Variants in PEX5L observed in about 807,000 individuals in gnomAD.
The protein encoded by PEX5L is peroxisomal biogenesis factor 5 like.
PEX5L carries 30 observed loss-of-function variants against 84.0 expected under a neutral mutation model. That is an observed-to-expected ratio of 0.36 (90% CI 0.27 to 0.48). PEX5L has a LOEUF of 0.48. PEX5L is among the 20% of genes least tolerant of loss of function. The pLI, the probability that PEX5L is intolerant of heterozygous loss-of-function variation, is 0.99. For missense variants in PEX5L, 533 were observed against 754.6 expected (o/e 0.71, Z 3.44); for synonymous variants, 270 against 283.1 (o/e 0.95, Z 0.46).
intron 1 of PEX5L, among the ~76,000 whole-genome samples, chr3:179,982,230 G>A (rs1353723655): frequency 6.6e-6 from 1 of 152,110 alleles, no homozygotes; most frequent in East Asian, 1.9e-4. Context: ...CTTACTCAAA[G>A]TTTGATTCTT....
chr3:179,830,642 G>A (rs1732492401), intron 8 of PEX5L, among the ~76,000 whole-genome samples: 1 of 152,150 alleles, frequency 6.6e-6, no homozygotes, highest in African/African-American at 2.4e-5. Flanking sequence ...ATATTTTCCT[G>A]GTGTATTGAT....
At chr3:179,854,168 T>C (rs1045498045) in intron 8 of PEX5L, among the ~76,000 whole-genome samples, 1 of 150,912 alleles carries the variant, frequency 6.6e-6, no homozygotes, top group Non-Finnish European at 1.5e-5. Flanking sequence ...CAATACAATG[T>C]TAAGATATGG....
intron 1 of PEX5L, among the ~76,000 whole-genome samples, chr3:180,017,489 T>C (rs2110492768): frequency 6.6e-6 from 1 of 152,276 alleles, no homozygotes; most frequent in Admixed American, 6.5e-5. Context: ...TCTATTTGAT[T>C]GGGGACTATC....
rs1329656025 is a variant in PEX5L at position 179,874,733 on chromosome 3, TTTTTG to T, written c.630-315_630-311del. Among the ~76,000 whole-genome samples, 198 of 51,508 alleles carry T rather than the reference TTTTTG, an allele frequency of 3.8e-3. 4 individuals are homozygous for T. The highest frequency in any genetic ancestry group is 0.011 in the African/African-American group (177 of 15,770). 33.8% of individuals were successfully genotyped at this position (51,508 alleles called of 152,430 possible). On this transcript the variant is annotated intron_variant, in intron 6 of 14. Coordinates refer to ENST00000467460, the MANE Select transcript of PEX5L (RefSeq NM_016559.3). ...TTTCATAAAAAAATTATGGTTTTTT[TTTTTG>T]TTTTTTTTTTTTTTTTTTTTTTTTG...
At chr3:179,964,910 G>C (rs981964415) in intron 2 of PEX5L, among the ~76,000 whole-genome samples, 1 of 152,206 alleles carries the variant, frequency 6.6e-6, no homozygotes, top group African/African-American at 2.4e-5. Context: ...ACTTTATGAA[G>C]TAGATATTTT....
chr3:179,831,646 G>A (rs1213990041), intron 8 of PEX5L, among the ~76,000 whole-genome samples: 1 of 152,138 alleles, frequency 6.6e-6, no homozygotes, highest in Non-Finnish European at 1.5e-5. Context: ...GGGAGGAAAG[G>A]TGCTCTGGGA....
At chr3:179,964,902 T>G (rs1045327378) in intron 2 of PEX5L, among the ~76,000 whole-genome samples, 1 of 152,214 alleles carries the variant, frequency 6.6e-6, no homozygotes, top group Non-Finnish European at 1.5e-5. Flanking sequence ...TCCCAAAAAC[T>G]TTATGAAGTA....
chr3:179,912,390 T>TC (rs921315417), intron 2 of PEX5L, among the ~76,000 whole-genome samples: 2 of 152,118 alleles, frequency 1.3e-5, no homozygotes, highest in African/African-American at 4.8e-5. Context: ...GGTCCAAAGA[T>TC]AAAAGCAACT....
chr3:179,810,466 T>C (rs1247297788), intron 11 of PEX5L, among the ~76,000 whole-genome samples: 1 of 152,176 alleles, frequency 6.6e-6, no homozygotes, highest in Non-Finnish European at 1.5e-5. Flanking sequence ...AGGCTAAAGC[T>C]ACTCCCCCTC....
intron 1 of PEX5L, among the ~76,000 whole-genome samples, chr3:179,999,317 T>A (rs1291492858): frequency 1.3e-5 from 2 of 152,170 alleles, no homozygotes; most frequent in African/African-American, 4.8e-5. Flanking sequence ...GTGGATAGGA[T>A]GACCTGTTCT....
intron 2 of PEX5L, among the ~76,000 whole-genome samples, chr3:179,940,568 G>T (rs1775809531): frequency 1.3e-5 from 2 of 152,100 alleles, no homozygotes; most frequent in South Asian, 4.2e-4. Context: ...CTTTGAAATG[G>T]TACTGCATGA....
chr3:179,803,533 A>G (rs1355872519), intron 14 of PEX5L, among the ~76,000 whole-genome samples: 1 of 152,170 alleles, frequency 6.6e-6, no homozygotes, highest in African/African-American at 2.4e-5. Flanking sequence ...CTCAGGTGCC[A>G]GGTGCACCTG....
Position 179,826,916 on chromosome 3 carries a change from C to T in PEX5L, c.823-6940G>A, listed in dbSNP as rs143624022. ...AAAAATATCTAGATGTGGATGCTACCCTCAAGAAGCTCAGTGCCTAATGAT... is the reference window on the plus strand; with the variant it reads ...AAAAATATCTAGATGTGGATGCTACTCTCAAGAAGCTCAGTGCCTAATGAT... On this transcript the variant is annotated intron_variant, in intron 8 of 14. Transcript: ENST00000467460. 9.7e-4 allele frequency among the ~76,000 whole-genome samples: 148 copies of T among 152,144 alleles called. 2 individuals carry two copies. Among genetic ancestry groups the T allele is most frequent in the African/African-American group, 3.3e-3 (136 of 41,516 alleles).
chr3:179,882,627 T>A (rs1385759305), intron 4 of PEX5L, among the ~76,000 whole-genome samples: 1 of 152,218 alleles, frequency 6.6e-6, no homozygotes, highest in Non-Finnish European at 1.5e-5. Flanking sequence ...CATTTTAGCA[T>A]GTGTGTGTCC....
intron 1 of PEX5L, among the ~76,000 whole-genome samples, chr3:180,003,137 C>T (rs971617937): frequency 2.6e-5 from 4 of 152,036 alleles, no homozygotes. Flanking sequence ...CTTCAAATAC[C>T]CTATTGAGAC....
At position 179,798,810 on chromosome 3, in the gene PEX5L, G is replaced by A. The variant is rs1717980218; in HGVS notation, c.*3018C>T. ...AAAAATTGTTCTGCCAAAAAATAAA[G>A]TAGATGCACTTCTAAGAAACAAAAC... On this transcript the variant is annotated 3_prime_UTR_variant, in exon 15 of 15. Coordinates refer to ENST00000467460, the MANE Select transcript of PEX5L (RefSeq NM_016559.3). The A allele has an allele frequency of 6.6e-6, 1 of 151,998 alleles. No homozygotes were observed. Among genetic ancestry groups the A allele is most frequent in the Non-Finnish European group, 1.5e-5 (1 of 67,994 alleles). 9.4% of individuals were successfully genotyped at this position (151,998 alleles called of 1,614,324 possible).
At chr3:180,020,877 T>C (rs1054670155) in intron 1 of PEX5L, among the ~76,000 whole-genome samples, 4 of 152,236 alleles carry the variant, frequency 2.6e-5, no homozygotes, top group Non-Finnish European at 1.5e-5. Flanking sequence ...TTAAGGCTAA[T>C]TAAAAGATGA....
At chr3:180,016,997 CA>C (rs1268381187) in intron 1 of PEX5L, among the ~76,000 whole-genome samples, 1 of 152,092 alleles carries the variant, frequency 6.6e-6, no homozygotes, top group East Asian at 1.9e-4. Context: ...TGTTCATTAA[CA>C]CATCATATTT....
chr3:180,036,874 G>A lies in PEX5L; in HGVS notation c.-275C>T, dbSNP rs532860099. On this transcript the variant is annotated 5_prime_UTR_variant, in exon 1 of 15. Coordinates refer to ENST00000467460, the MANE Select transcript of PEX5L (RefSeq NM_016559.3). ...GTCGGCCAGGCTCTCCTGCAGGCGCGGGTCCTGCTCGCGGGGCGTCTCTAG... is the reference window on the plus strand; with the variant it reads ...GTCGGCCAGGCTCTCCTGCAGGCGCAGGTCCTGCTCGCGGGGCGTCTCTAG... 9.4e-5 allele frequency: 51 copies of A among 539,928 alleles called. No individual in the cohort carries two copies. Among genetic ancestry groups the A allele is most frequent in the African/African-American group, 8.9e-4 (47 of 52,728 alleles). 33.4% of individuals were successfully genotyped at this position (539,928 alleles called of 1,614,324 possible).
Sources: allele counts gnomAD v4.1 joint callset (sites outside exome capture counted in the v4.1 genomes callset), GRCh38; gene constraint gnomAD v4.1.1; transcripts MANE v1.5; gene names NCBI Gene and HGNC (gene_info 2026-07-23, HGNC 2026-07-21).